The following COL5A1 variants were observed in gnomAD, a reference collection of about 807,000 sequenced individuals.
COL5A1 encodes the protein collagen type V alpha 1 chain.
A neutral mutation model predicts 263.7 loss-of-function variants in COL5A1; 16 were observed. That is an observed-to-expected ratio of 0.06 (90% CI 0.04 to 0.09). COL5A1 has a LOEUF of 0.09. COL5A1 is among the 10% of genes least tolerant of loss of function. COL5A1 has a pLI of 1.00. For synonymous variants in COL5A1, 1,012 were observed against 1,004.5 expected (o/e 1.01, Z -0.14); for missense variants, 2,036 against 2,540.5 (o/e 0.80, Z 4.27).
At chr9:134,810,594 C>T in intron 44 of COL5A1, 2 of 458,870 alleles carry the variant, frequency 4.4e-6, no homozygotes, top group Non-Finnish European at 7.8e-6. Context: ...GTTCTGCAGA[C>T]ACACCCATTG....
At chr9:134,811,230 C>A in intron 44 of COL5A1, 109 bp from the exon 45 acceptor site, 1 of 957,286 alleles carries the variant, frequency 1.0e-6, no homozygotes, top group Non-Finnish European at 1.7e-6. Flanking sequence ...GGAGACTGAA[C>A]TGACGACGTT....
At chr9:134,714,883 A>G (rs994028945) in intron 4 of COL5A1, among the ~76,000 whole-genome samples, 2 of 141,016 alleles carry the variant, frequency 1.4e-5, no homozygotes, top group African/African-American at 5.3e-5. Flanking sequence ...AGTGGTGGTG[A>G]TGCTGGTGAA....
intron 1 of COL5A1, among the ~76,000 whole-genome samples, chr9:134,663,249 C>T (rs1319538229): frequency 1.3e-5 from 2 of 152,264 alleles, no homozygotes; most frequent in African/African-American, 2.4e-5. Context: ...AGGCTTTGAA[C>T]ACCTGGGCTC....
At position 134,730,403 on chromosome 9, in the gene COL5A1, C is replaced by G. The variant is rs41306391; in HGVS notation, c.1092C>G (p.Pro364=). 5.0e-6 allele frequency: 8 copies of G among 1,614,132 alleles called. 1 individual carries two copies. The South Asian group carries it at 7.7e-5, about 16-fold the overall frequency. The change falls in exon 7 of 66, where the codon CCC becomes CCG. Residue 364 remains proline, a synonymous_variant. Transcript: ENST00000371817. ...DLTYGEGEEN[P]DQPTDPGAGA... ...CCTATGGCGAGGGGGAGGAGAACCC[C>G]GACCAGCCCACAGACCCAGGCGCTG... is the stretch of plus-strand genomic sequence containing the variant.
chr9:134,682,907 C>T lies in COL5A1; in HGVS notation c.110-8005C>T, dbSNP rs577721912. Among the ~76,000 whole-genome samples, 16 of 152,256 alleles carry T rather than the reference C, an allele frequency of 1.1e-4. No homozygotes were observed. Among genetic ancestry groups the T allele is most frequent in the South Asian group, 2.1e-4 (1 of 4,832 alleles). ...AGACAGCCTGGGCTTCAAAGGCAGCCGACCCATAGCCAGTGCTTAAAGATA... is the reference window on the plus strand; with the variant it reads ...AGACAGCCTGGGCTTCAAAGGCAGCTGACCCATAGCCAGTGCTTAAAGATA... On this transcript the variant is annotated intron_variant, in intron 1 of 65. Coordinates refer to ENST00000371817, the MANE Select transcript of COL5A1 (RefSeq NM_000093.5). This position sits in a 1 kb window ranked among gnomAD's most constrained non-coding sequence, Gnocchi z 5.1.
At chr9:134,661,624 C>A (rs1305218884) in intron 1 of COL5A1, among the ~76,000 whole-genome samples, 2 of 152,036 alleles carry the variant, frequency 1.3e-5, no homozygotes, top group African/African-American at 4.8e-5. Flanking sequence ...CTGTGCTGCA[C>A]CCATACCCCC....
In COL5A1 at chr9:134,750,436, A is replaced by G. The variant is rs12349813; in HGVS notation, c.1495-106A>G. The G allele has an allele frequency of 7.1e-4, 696 of 978,006 alleles. 1 individual carries two copies. The African/African-American group carries it at 0.01, about 14-fold the overall frequency. 60.6% of individuals were successfully genotyped at this position (978,006 alleles called of 1,614,324 possible). A position where few individuals can be genotyped will look rare whatever the true frequency, so the allele number is the denominator to read the frequency against. ...GGTCTCACAGCTTCTGTGCGTGTCC[A>G]GTGCATTTCCCGGGTGGGCCGCTTC... On this transcript the variant is annotated intron_variant, in intron 11 of 65. Transcript: ENST00000371817.
At chr9:134,674,667 C>A (rs1832638052) in intron 1 of COL5A1, among the ~76,000 whole-genome samples, 1 of 152,152 alleles carries the variant, frequency 6.6e-6, no homozygotes, top group Non-Finnish European at 1.5e-5. Flanking sequence ...GGGTGGATCA[C>A]CTGAGGTCAG....
chr9:134,652,617 C>T lies in COL5A1; in HGVS notation c.109+10321C>T, dbSNP rs764569365. 2.4e-5 allele frequency: 11 copies of T among 460,160 alleles called. No homozygotes were observed. Among genetic ancestry groups the T allele is most frequent in the East Asian group, 7.1e-5 (1 of 14,070 alleles). The allele number at this position is 460,160 out of a possible 1,614,324, so 28.5% of individuals were successfully genotyped here. A position where few individuals can be genotyped will look rare whatever the true frequency, so the allele number is the denominator to read the frequency against. On this transcript the variant is annotated intron_variant, in intron 1 of 65. Coordinates refer to ENST00000371817, the MANE Select transcript of COL5A1 (RefSeq NM_000093.5). This position sits in a 1 kb window ranked among gnomAD's most constrained non-coding sequence, Gnocchi z 4.4. Reference sequence around the variant, plus strand: ...ATGCTGCTCTGCACCCCACAGTGCACGGGACAGCCCCCACCAAAAAGACTG... The same window carrying T: ...ATGCTGCTCTGCACCCCACAGTGCATGGGACAGCCCCCACCAAAAAGACTG...
At position 134,741,892 on chromosome 9, in the gene COL5A1, G is replaced by A. The variant is rs561870863; in HGVS notation, c.1494+3084G>A. On this transcript the variant is annotated intron_variant, in intron 11 of 65. Transcript: ENST00000371817. This position sits in a 1 kb window ranked among gnomAD's most constrained non-coding sequence, Gnocchi z 4.5. ...TCCCTTCCCCAAGGGCCGTCTGGCC[G>A]TGACCGGTTTGTGCCTTTTCTTCCT... 1.1e-4 allele frequency among the ~76,000 whole-genome samples: 16 copies of A among 152,176 alleles called. No individual in the cohort carries two copies. Among genetic ancestry groups the A allele is most frequent in the African/African-American group, 3.6e-4 (15 of 41,538 alleles).
At chr9:134,729,503 C>A (rs62571357) in intron 6 of COL5A1, among the ~76,000 whole-genome samples, 1 of 82,392 alleles carries the variant, frequency 1.2e-5, no homozygotes, top group African/African-American at 3.9e-5. Context: ...CTTGAGCCTG[C>A]GTGTGTGTGA....
At chr9:134,662,140 G>A (rs1317190898) in intron 1 of COL5A1, among the ~76,000 whole-genome samples, 1 of 112,362 alleles carries the variant, frequency 8.9e-6, no homozygotes, top group Non-Finnish European at 1.9e-5. Context: ...CAATATCTTG[G>A]CCAAAAAAAA....
rs1248586189 is a variant in COL5A1, at chr9:134,741,719, C to T, written c.1494+2911C>T. On this transcript the variant is annotated intron_variant, in intron 11 of 65. Coordinates refer to ENST00000371817, the MANE Select transcript of COL5A1 (RefSeq NM_000093.5). The surrounding 1 kb of genome is among the most constrained non-coding windows in gnomAD (Gnocchi z 4.5). ...TTACTTGGCTTCAGCAGAAAATAGT[C>T]GTTCTGCAGGGGAGTGGCGTGCTCT... is the stretch of plus-strand genomic sequence containing the variant. 7.9e-5 allele frequency among the ~76,000 whole-genome samples: 12 copies of T among 152,212 alleles called. No homozygotes were observed. In the East Asian group the frequency reaches 1.7e-3, roughly 22 times the overall value.
At chr9:134,802,049 C>A in intron 38 of COL5A1, 42 bp downstream of exon 38, 1 of 1,590,606 alleles carries the variant, frequency 6.3e-7, no homozygotes, top group Non-Finnish European at 8.6e-7. Flanking sequence ...CACTCGGTGT[C>A]ACTTGCCCAC....
intron 36 of COL5A1, 32 bp downstream of exon 36, chr9:134,796,933 TG>T (rs1203808352): frequency 6.3e-7 from 1 of 1,593,240 alleles, no homozygotes; most frequent in Non-Finnish European, 8.6e-7. Context: ...GGGCCAGCAC[TG>T]CCTGTCCCCT....
chr9:134,705,869 T>A (rs1473447187), intron 4 of COL5A1, among the ~76,000 whole-genome samples: 1 of 152,208 alleles, frequency 6.6e-6, no homozygotes. Flanking sequence ...CCCCTGGGCC[T>A]TCAGGAGGAT....
At position 134,835,068 on chromosome 9, in the gene COL5A1, A is replaced by G. The variant is rs370607849; in HGVS notation, c.5234A>G (p.His1745Arg). 2 of 1,613,558 alleles carry G rather than the reference A, an allele frequency of 1.2e-6. No individual in the cohort carries two copies. The highest frequency in any genetic ancestry group is 2.2e-5 in the South Asian group (2 of 91,080). Reference protein sequence around the residue: ...SASAHQNVTYHCYQSVAWQDA... With the variant: ...SASAHQNVTYRCYQSVAWQDA... The stretch of plus-strand genomic sequence containing the variant: ...TCTGCCCACCAGAACGTCACCTACC[A>G]CTGCTACCAGTCAGTGGCCTGGCAG... The change falls in exon 65 of 66, where the codon CAC becomes CGC. Residue 1745 changes from histidine (H) to arginine (R), a missense_variant. By Grantham distance (29) the His-to-Arg change is conservative. This residue lies in a region of COL5A1 where 358 missense variants were observed against 384.6 expected (regional missense o/e 0.93). Transcript: ENST00000371817.
chr9:134,774,648 C>T (rs992274472), intron 26 of COL5A1, among the ~76,000 whole-genome samples: 1 of 152,234 alleles, frequency 6.6e-6, no homozygotes, highest in Non-Finnish European at 1.5e-5. Flanking sequence ...CTGTGTCCCG[C>T]TCAGCATGAG....
rs1036012279 is a variant in COL5A1, at chr9:134,680,967, A to C, written c.110-9945A>C. Among the ~76,000 whole-genome samples, 1 of 152,158 alleles carries C rather than the reference A, an allele frequency of 6.6e-6. No individual in the cohort carries two copies. Among genetic ancestry groups the C allele is most frequent in the African/African-American group, 2.4e-5 (1 of 41,436 alleles). On this transcript the variant is annotated intron_variant, in intron 1 of 65. Transcript: ENST00000371817. This position sits in a 1 kb window ranked among gnomAD's most constrained non-coding sequence, Gnocchi z 5.9. ...GGGGGGCAGCGGGAGAGGCCGGGCC[A>C]TCTGCCATCCTCCCAGGATGGTGTC...
Sources: allele counts gnomAD v4.1 joint callset (sites outside exome capture counted in the v4.1 genomes callset), GRCh38; gene constraint gnomAD v4.1.1; regional missense constraint gnomAD v4.1.1; non-coding constraint Gnocchi (gnomAD v3.1); transcripts MANE v1.5; gene names NCBI Gene and HGNC (gene_info 2026-07-23, HGNC 2026-07-21).